The following PRORP variants were observed in gnomAD, a reference collection of about 807,000 sequenced individuals.
The protein encoded by PRORP is protein only RNase P catalytic subunit.
Under a neutral mutation model 59.4 loss-of-function variants are expected in PRORP, and 51 were observed. The observed-to-expected ratio is 0.86, with a 90% CI of 0.69 to 1.08. The LOEUF (loss-of-function observed/expected upper bound fraction) is 1.08. Ranked by LOEUF, PRORP falls within the 50% of genes least tolerant of loss-of-function variation. The probability of loss-of-function intolerance (pLI) is 0.00; values close to 1 mark genes in which losing one functional copy is unlikely to be tolerated. For missense variants in PRORP, 646 were observed against 690.3 expected (o/e 0.94, Z 0.72); for synonymous variants, 231 against 245.6 (o/e 0.94, Z 0.55).
At chr14:35,228,866 A>G (rs2050003103) in intron 5 of PRORP, among the ~76,000 whole-genome samples, 1 of 152,154 alleles carries the variant, frequency 6.6e-6, no homozygotes, top group Non-Finnish European at 1.5e-5. Context: ...TATTTGAAAA[A>G]TCTCCAAACT....
chr14:35,240,489 G>A (rs370239777), intron 5 of PRORP, among the ~76,000 whole-genome samples: 1 of 100,470 alleles, frequency 1.0e-5, no homozygotes, highest in Non-Finnish European at 2.6e-5. Context: ...TCTTTTGCTG[G>A]TGTCACTTTT....
intron 4 of PRORP, among the ~76,000 whole-genome samples, chr14:35,141,131 T>C (rs1471612899): frequency 1.4e-5 from 2 of 145,964 alleles, no homozygotes; most frequent in African/African-American, 4.9e-5. Context: ...CTACTGACAC[T>C]AATTGAGTGG....
At chr14:35,164,062 C>T (rs1197939088) in intron 4 of PRORP, among the ~76,000 whole-genome samples, 2 of 152,066 alleles carry the variant, frequency 1.3e-5, no homozygotes, top group African/African-American at 2.4e-5. Context: ...TTGGCCTTGT[C>T]GAAAATCAGT....
chr14:35,272,770 T>A (rs1007812191), intron 7 of PRORP, among the ~76,000 whole-genome samples: 1 of 152,168 alleles, frequency 6.6e-6, no homozygotes. Context: ...TTGTTTACAT[T>A]TGTCCCTTGG....
intron 4 of PRORP, among the ~76,000 whole-genome samples, chr14:35,172,413 T>TTCCCTTCCTTCC (rs2048332703): frequency 1.3e-5 from 1 of 77,548 alleles, no homozygotes; most frequent in South Asian, 5.5e-4. Context: ...GGTTTCTTTC[T>TTCCCTTCCTTCC]TTCCTTCCTT....
intron 4 of PRORP, among the ~76,000 whole-genome samples, chr14:35,167,875 C>T (rs960929273): frequency 3.3e-5 from 5 of 152,180 alleles, no homozygotes; most frequent in Admixed American, 2.0e-4. Flanking sequence ...ATACTCAAAA[C>T]TTTGCATAAA....
chr14:35,254,768 C>T (rs1193431426), intron 5 of PRORP, among the ~76,000 whole-genome samples: 1 of 152,144 alleles, frequency 6.6e-6, no homozygotes, highest in Non-Finnish European at 1.5e-5. Context: ...CTTATAAAGA[C>T]CCCTGGGATC....
At chr14:35,262,973 CA>C (rs2050943468) in intron 5 of PRORP, 1 of 1,598,650 alleles carries the variant, frequency 6.3e-7, no homozygotes, top group Admixed American at 1.7e-5. Context: ...ACAAGGATAT[CA>C]GGAAATTTTT....
chr14:35,183,528 A>G (rs1312646603), intron 5 of PRORP, among the ~76,000 whole-genome samples: 4 of 152,138 alleles, frequency 2.6e-5, no homozygotes, highest in African/African-American at 4.8e-5. Context: ...ATTTTTCACT[A>G]TAATAAGTAA....
At chr14:35,168,548 T>G (rs1049291572) in intron 4 of PRORP, among the ~76,000 whole-genome samples, 3 of 152,184 alleles carry the variant, frequency 2.0e-5, no homozygotes, top group African/African-American at 7.2e-5. Context: ...GTTGTCATGT[T>G]TCTTTGGTTT....
chr14:35,252,333 G>A (rs1198167066), intron 5 of PRORP, among the ~76,000 whole-genome samples: 4 of 152,152 alleles, frequency 2.6e-5, no homozygotes, highest in African/African-American at 9.7e-5. Flanking sequence ...TGAAGCAGGC[G>A]GATGACTTGA....
At chr14:35,175,529 A>C (rs12892070) in intron 4 of PRORP, among the ~76,000 whole-genome samples, 4 of 152,202 alleles carry the variant, frequency 2.6e-5, no homozygotes, top group East Asian at 1.9e-4. Flanking sequence ...CTGTTGGCTG[A>C]ATAAATGTCT....
At chr14:35,224,233 CATA>C (rs1348877374) in intron 5 of PRORP, among the ~76,000 whole-genome samples, 1 of 152,140 alleles carries the variant, frequency 6.6e-6, no homozygotes, top group Admixed American at 6.5e-5. Flanking sequence ...CTAGTGTCAT[CATA>C]ATACTATATA....
intron 5 of PRORP, among the ~76,000 whole-genome samples, chr14:35,214,124 T>A (rs1489539373): frequency 2.0e-5 from 3 of 152,198 alleles, no homozygotes; most frequent in Non-Finnish European, 4.4e-5. Flanking sequence ...TTTATTTTAG[T>A]GAGTCATCCT....
chr14:35,182,217 G>T (rs1374342512), intron 5 of PRORP, among the ~76,000 whole-genome samples: 1 of 152,136 alleles, frequency 6.6e-6, no homozygotes, highest in Non-Finnish European at 1.5e-5. Context: ...AGTGAGCTGA[G>T]ATCATGTCAC....
intron 4 of PRORP, 54 bp downstream of exon 4, chr14:35,127,665 A>G: frequency 6.3e-7 from 1 of 1,598,004 alleles, no homozygotes; most frequent in Non-Finnish European, 8.5e-7. Flanking sequence ...AGCAGGGGTT[A>G]GCAATTTTTG....
At chr14:35,183,094 A>G (rs2048655543) in intron 5 of PRORP, among the ~76,000 whole-genome samples, 1 of 152,182 alleles carries the variant, frequency 6.6e-6, no homozygotes, top group Admixed American at 6.6e-5. Context: ...GAAAAACAAC[A>G]TGCTTAGAAT....
Position 35,124,120 on chromosome 14 carries a change from T to G in PRORP, c.875T>G (p.Ile292Arg). Residue 292 changes from isoleucine (I) to arginine (R), a missense_variant, in exon 2 of 8, where the codon ATA (isoleucine) becomes AGA (arginine). Ile to Arg is a moderately conservative substitution (Grantham distance 97). Coordinates refer to ENST00000534898, the MANE Select transcript of PRORP (RefSeq NM_014672.4). ...LKAFFDFGKD[I>R]KDDNYSNKLL... ...GCTTTCTTTGATTTTGGAAAAGACA[T>G]AAAGGATGATAACTATTCAAATAAA... is the stretch of plus-strand genomic sequence containing the variant. 1 of 1,613,068 alleles carries G rather than the reference T, an allele frequency of 6.2e-7. No homozygotes were observed. The highest frequency in any genetic ancestry group is 2.2e-5 in the East Asian group (1 of 44,854).
At chr14:35,211,557 T>C (rs1488823242) in intron 5 of PRORP, among the ~76,000 whole-genome samples, 1 of 152,198 alleles carries the variant, frequency 6.6e-6, no homozygotes, top group Non-Finnish European at 1.5e-5. Context: ...CAATAAAAAG[T>C]CACACAAGTT....
Sources: allele counts gnomAD v4.1 joint callset (sites outside exome capture counted in the v4.1 genomes callset), GRCh38; gene constraint gnomAD v4.1.1; transcripts MANE v1.5; gene names NCBI Gene and HGNC (gene_info 2026-07-23, HGNC 2026-07-21).